RARB: variants seen among roughly 807,000 people sequenced by gnomAD.
The protein encoded by RARB is HBV-activated protein.
In RARB, 17 loss-of-function variants were observed where a neutral mutation model predicts 51.9. The observed-to-expected ratio is 0.33, with a 90% CI of 0.22 to 0.49. RARB has a LOEUF of 0.49. Ranked by LOEUF, RARB falls within the 20% of genes least tolerant of loss-of-function variation. RARB has a pLI of 0.99. For synonymous variants in RARB, 215 were observed against 195.4 expected (o/e 1.10, Z -0.84); for missense variants, 369 against 550.8 (o/e 0.67, Z 3.30).
chr3:24,961,602 G>A (rs941710854), intron 2 of RARB, among the ~76,000 whole-genome samples: 3 of 139,326 alleles, frequency 2.2e-5, no homozygotes, highest in African/African-American at 7.8e-5. Context: ...TGAATTCAGC[G>A]AACCTTGCCA....
intron 5 of RARB, among the ~76,000 whole-genome samples, chr3:25,209,326 AC>A (rs534419448): frequency 6.6e-6 from 1 of 152,184 alleles, no homozygotes; most frequent in African/African-American, 2.4e-5. Context: ...AAGCATGAGC[AC>A]CTTTTTAGGT....
chr3:25,048,914 G>A (rs201191380), intron 2 of RARB, among the ~76,000 whole-genome samples: 115 of 151,962 alleles, frequency 7.6e-4, no homozygotes, highest in African/African-American at 2.3e-3. Flanking sequence ...CACTGTGCCC[G>A]GCTAACTTTT....
intron 3 of RARB, among the ~76,000 whole-genome samples, chr3:25,523,811 T>C (rs1179339447): frequency 6.6e-6 from 1 of 152,214 alleles, no homozygotes; most frequent in African/African-American, 2.4e-5. Flanking sequence ...CCATAAAACT[T>C]CTGCAGCAAT....
At chr3:25,372,940 A>G (rs1575351369) in intron 5 of RARB, among the ~76,000 whole-genome samples, 2 of 152,210 alleles carry the variant, frequency 1.3e-5, no homozygotes, top group East Asian at 3.8e-4. Context: ...TGGATTGGCA[A>G]TGTGGGTGAA....
intron 2 of RARB, among the ~76,000 whole-genome samples, chr3:24,942,321 AG>A (rs1272218393): frequency 6.6e-6 from 1 of 152,184 alleles, no homozygotes; most frequent in Non-Finnish European, 1.5e-5. Context: ...TCATCTAGAA[AG>A]CAATAATTAT....
chr3:25,392,968 G>C (rs187824777), intron 5 of RARB, among the ~76,000 whole-genome samples: 1 of 152,192 alleles, frequency 6.6e-6, no homozygotes, highest in Non-Finnish European at 1.5e-5. Context: ...TCTTCTTCCA[G>C]TTCTCAAGTG....
At chr3:24,952,265 A>C (rs913961658) in intron 2 of RARB, among the ~76,000 whole-genome samples, 3 of 151,862 alleles carry the variant, frequency 2.0e-5, no homozygotes, top group African/African-American at 7.3e-5. Context: ...TAGTGAATTA[A>C]ATTTACACAA....
At chr3:24,954,701 G>C (rs912792761) in intron 2 of RARB, among the ~76,000 whole-genome samples, 1 of 152,082 alleles carries the variant, frequency 6.6e-6, no homozygotes, top group Non-Finnish European at 1.5e-5. Context: ...AATGGATTTA[G>C]TAGTAGAATT....
intron 1 of RARB, among the ~76,000 whole-genome samples, chr3:24,840,802 A>G (rs973038679): frequency 6.6e-6 from 1 of 151,836 alleles, no homozygotes; most frequent in Non-Finnish European, 1.5e-5. Context: ...TGTAAAGATA[A>G]CATTGAGCAC....
chr3:25,546,644 C>G (rs71313304), intron 3 of RARB, among the ~76,000 whole-genome samples: 4 of 152,152 alleles, frequency 2.6e-5, no homozygotes, highest in African/African-American at 7.2e-5. Context: ...AAAGAGTACC[C>G]TTTTAACAAT....
At chr3:24,916,782 A>C (rs1438538360) in intron 2 of RARB, among the ~76,000 whole-genome samples, 1 of 151,896 alleles carries the variant, frequency 6.6e-6, no homozygotes, top group Admixed American at 6.5e-5. Flanking sequence ...AAAAAAAAAA[A>C]AAAACCTTGT....
intron 2 of RARB, among the ~76,000 whole-genome samples, chr3:24,956,593 T>A (rs1432059129): frequency 1.3e-5 from 2 of 152,186 alleles, no homozygotes; most frequent in Non-Finnish European, 2.9e-5. Flanking sequence ...ATTTGTGGCT[T>A]GAAACTGTAC....
intron 5 of RARB, among the ~76,000 whole-genome samples, chr3:25,316,593 G>A (rs924725013): frequency 6.6e-6 from 1 of 152,206 alleles, no homozygotes; most frequent in South Asian, 2.1e-4. Context: ...GGGGACAACA[G>A]ATTTGGTGTT....
chr3:25,188,990 A>C (rs1322377182), intron 5 of RARB, among the ~76,000 whole-genome samples: 1 of 152,190 alleles, frequency 6.6e-6, no homozygotes, highest in African/African-American at 2.4e-5. Flanking sequence ...TGCTCAAACA[A>C]ACTAAAAGTC....
intron 1 of RARB, among the ~76,000 whole-genome samples, chr3:25,457,267 A>T (rs778139459): frequency 3.9e-5 from 6 of 152,152 alleles, no homozygotes; most frequent in African/African-American, 1.4e-4. Context: ...TATTAGGCCA[A>T]ATTTGTCAAG....
intron 5 of RARB, among the ~76,000 whole-genome samples, chr3:25,412,831 C>G (rs1036870578): frequency 2.0e-5 from 3 of 151,984 alleles, no homozygotes; most frequent in African/African-American, 7.3e-5. Flanking sequence ...ACCAGCCTGA[C>G]CAACATGGAG....
intron 2 of RARB, among the ~76,000 whole-genome samples, chr3:24,994,889 A>G (rs1696990093): frequency 6.6e-6 from 1 of 152,074 alleles, no homozygotes; most frequent in Non-Finnish European, 1.5e-5. Context: ...TATTTCAGTT[A>G]CTACAGTGTT....
chr3:25,436,139 A>T (rs1708427311), intron 1 of RARB, among the ~76,000 whole-genome samples: 1 of 152,154 alleles, frequency 6.6e-6, no homozygotes, highest in Non-Finnish European at 1.5e-5. Flanking sequence ...TCTCCTGAGC[A>T]CCTTTCTTTC....
In RARB at chr3:25,451,996, A is replaced by G. The variant is rs537899531; in HGVS notation, c.158-9197A>G. 7.2e-5 allele frequency among the ~76,000 whole-genome samples: 11 copies of G among 152,332 alleles called. No homozygotes were observed. The East Asian group carries it at 2.1e-3, about 29-fold the overall frequency. On this transcript the variant is annotated intron_variant, in intron 1 of 7. Transcript: ENST00000330688. ...GAGTTGATGTTGAGAAAAACTCTTC[A>G]GGGGACCTCAATATTGCAAAGCAAT... is the stretch of plus-strand genomic sequence containing the variant.
Sources: allele counts gnomAD v4.1 joint callset (sites outside exome capture counted in the v4.1 genomes callset), GRCh38; gene constraint gnomAD v4.1.1; transcripts MANE v1.5; gene names NCBI Gene and HGNC (gene_info 2026-07-23, HGNC 2026-07-21).